TTC8: variants seen among roughly 807,000 people sequenced by gnomAD.
TTC8 encodes the protein tetratricopeptide repeat domain 8, also known as tetratricopeptide repeat protein 8.
In TTC8, 47 loss-of-function variants were observed where a neutral mutation model predicts 72.5. The observed-to-expected ratio is 0.65, with a 90% CI of 0.51 to 0.83. TTC8 has a LOEUF of 0.83. Among genes scored for constraint, TTC8 ranks in the 40% least tolerant of loss-of-function variants. The pLI, the probability that TTC8 is intolerant of heterozygous loss-of-function variation, is 0.00. For missense variants in TTC8, 611 were observed against 623.2 expected (o/e 0.98, Z 0.21); for synonymous variants, 199 against 221.4 (o/e 0.90, Z 0.90).
intron 7 of TTC8, among the ~76,000 whole-genome samples, chr14:88,851,479 A>G (rs1595957163): frequency 6.6e-6 from 1 of 152,130 alleles, no homozygotes; most frequent in East Asian, 1.9e-4. Flanking sequence ...ATCTTTTTCT[A>G]AAAAATAGAA....
At chr14:88,862,764 C>A (rs889917594) in intron 10 of TTC8, among the ~76,000 whole-genome samples, 5 of 148,518 alleles carry the variant, frequency 3.4e-5, no homozygotes, top group Non-Finnish European at 1.5e-5. Flanking sequence ...TTACTTTTTG[C>A]AGAAATGGGA....
At chr14:88,872,290 A>C in intron 12 of TTC8, 40 bp from the exon 13 acceptor site, 1 of 1,612,342 alleles carries the variant, frequency 6.2e-7, no homozygotes, top group Non-Finnish European at 8.5e-7. Flanking sequence ...AGGAGGAAGT[A>C]AACGGACCCA....
intron 7 of TTC8, among the ~76,000 whole-genome samples, chr14:88,850,791 A>G (rs532126073): frequency 2.0e-5 from 3 of 152,366 alleles, no homozygotes; most frequent in African/African-American, 2.4e-5. Flanking sequence ...TTCTGAGTCA[A>G]TATGCGTGAC....
At chr14:88,846,722 T>C (rs767901106) in intron 7 of TTC8, 1 of 1,071,798 alleles carries the variant, frequency 9.3e-7, no homozygotes, top group South Asian at 1.6e-5. Context: ...CTAAAGATTC[T>C]AAGGGTTAGC....
chr14:88,868,446 A>G (rs2094920293), intron 10 of TTC8, among the ~76,000 whole-genome samples: 1 of 152,226 alleles, frequency 6.6e-6, no homozygotes, highest in African/African-American at 2.4e-5. Flanking sequence ...AAACATGGGA[A>G]GCTAAGAACA....
chr14:88,826,825 C>T (rs186863232), intron 1 of TTC8, among the ~76,000 whole-genome samples: 81 of 152,268 alleles, frequency 5.3e-4, no homozygotes, highest in Non-Finnish European at 9.3e-4. Flanking sequence ...CTGTGTTCCA[C>T]GAAACAGTAG....
At chr14:88,845,475 A>G (rs1253012813) in intron 7 of TTC8, among the ~76,000 whole-genome samples, 1 of 152,190 alleles carries the variant, frequency 6.6e-6, no homozygotes, top group Non-Finnish European at 1.5e-5. Context: ...GGCCACATGT[A>G]TAGAATGTGG....
chr14:88,856,552 A>G (rs1566847634), intron 8 of TTC8, among the ~76,000 whole-genome samples: 1 of 152,192 alleles, frequency 6.6e-6, no homozygotes, highest in African/African-American at 2.4e-5. Flanking sequence ...AATTAGTGGC[A>G]ACAGATTCTT....
chr14:88,863,026 A>C (rs1349884457), intron 10 of TTC8, among the ~76,000 whole-genome samples: 2 of 149,866 alleles, frequency 1.3e-5, no homozygotes, highest in Admixed American at 6.7e-5. Context: ...GAGCCATAAA[A>C]ATCCCTGGAA....
intron 7 of TTC8, among the ~76,000 whole-genome samples, chr14:88,847,427 G>T (rs1253858497): frequency 6.6e-6 from 1 of 152,174 alleles, no homozygotes; most frequent in Non-Finnish European, 1.5e-5. Context: ...GGAGGTGATA[G>T]TAAAAACTAT....
At chr14:88,868,405 C>A (rs74956611) in intron 10 of TTC8, among the ~76,000 whole-genome samples, 3,033 of 152,166 alleles carry the variant, frequency 0.02, 120 homozygotes, top group African/African-American at 0.07. Context: ...GAATCTTAGA[C>A]CAAAACGTTT....
intron 6 of TTC8, among the ~76,000 whole-genome samples, chr14:88,841,753 T>G (rs2094782819): frequency 6.6e-6 from 1 of 152,196 alleles, no homozygotes; most frequent in Non-Finnish European, 1.5e-5. Context: ...AGAGTAGTAA[T>G]TTGTAACAAA....
chr14:88,854,712 A>T (rs2094848514), intron 8 of TTC8, among the ~76,000 whole-genome samples: 2 of 152,048 alleles, frequency 1.3e-5, no homozygotes, highest in South Asian at 4.1e-4. Flanking sequence ...TAGAGATGGG[A>T]TCTTGCTCTT....
At chr14:88,880,194 C>G (rs2094969391), downstream of TTC8, 1 of 152,146 alleles carries the variant, frequency 6.6e-6, no homozygotes, top group African/African-American at 2.4e-5. Flanking sequence ...TGGAATGTTC[C>G]ATGTTTATGT....
At chr14:88,858,636 C>G (rs1442243790) in intron 9 of TTC8, among the ~76,000 whole-genome samples, 2 of 151,830 alleles carry the variant, frequency 1.3e-5, no homozygotes, top group African/African-American at 2.4e-5. Context: ...CTCTGTCACC[C>G]AGGCTGGAGT....
At chr14:88,841,365 A>C in intron 5 of TTC8, 60 bp from the exon 6 acceptor site, 1 of 1,605,458 alleles carries the variant, frequency 6.2e-7, no homozygotes, top group African/African-American at 1.3e-5. Context: ...TGCATATTAA[A>C]CTTGTTTACA....
At chr14:88,877,185 C>A in intron 14 of TTC8, 109 bp from the exon 15 acceptor site, 1 of 811,720 alleles carries the variant, frequency 1.2e-6, no homozygotes, top group Non-Finnish European at 2.0e-6. Flanking sequence ...AAGAAAAGAA[C>A]CCTTTGAATT....
At chr14:88,874,988 A>G (rs2094950848) in intron 13 of TTC8, 38 bp from the exon 14 acceptor site, 2 of 1,520,108 alleles carry the variant, frequency 1.3e-6, no homozygotes, top group East Asian at 4.5e-5. Context: ...ATATGTTCAT[A>G]CGCCTTTGGT....
intron 13 of TTC8, 83 bp downstream of exon 13, chr14:88,872,535 T>C (rs2094939136): frequency 6.3e-7 from 1 of 1,587,076 alleles, no homozygotes; most frequent in African/African-American, 1.3e-5. Context: ...ACAGCGTATG[T>C]TATTTTAAAA....
Sources: allele counts gnomAD v4.1 joint callset (sites outside exome capture counted in the v4.1 genomes callset), GRCh38; gene constraint gnomAD v4.1.1; transcripts MANE v1.5; gene names NCBI Gene and HGNC (gene_info 2026-07-23, HGNC 2026-07-21).